Variants in ADRA1B observed in about 807,000 individuals in gnomAD.
ADRA1B encodes the protein adrenoceptor alpha 1B.
A neutral mutation model predicts 17.9 loss-of-function variants in ADRA1B; 17 were observed. That is an observed-to-expected ratio of 0.95 (90% confidence interval 0.65 to 1.42). The LOEUF (loss-of-function observed/expected upper bound fraction) is 1.42. Among genes scored for constraint, ADRA1B ranks in the 40% most tolerant of loss-of-function variants. The pLI, the probability that ADRA1B is intolerant of heterozygous loss-of-function variation, is 0.00. For missense variants in ADRA1B, 681 were observed against 722.1 expected (o/e 0.94, Z 0.65); for synonymous variants, 366 against 327.6 (o/e 1.12, Z -1.27).
intron 1 of ADRA1B, among the ~76,000 whole-genome samples, chr5:159,962,933 TTC>T (rs1329621136): frequency 0.036 from 3,974 of 109,456 alleles, 172 homozygotes; most frequent in African/African-American, 0.048. Context: ...TTCTTTTCTT[TTC>T]TTTTTTTTTT....
chr5:159,919,477 A>C (rs1228647190), intron 1 of ADRA1B, among the ~76,000 whole-genome samples: 1 of 152,272 alleles, frequency 6.6e-6, no homozygotes, highest in African/African-American at 2.4e-5. Flanking sequence ...CTTCGTCTAC[A>C]AAACAGGGCT....
intron 1 of ADRA1B, among the ~76,000 whole-genome samples, chr5:159,963,900 C>T (rs2113286236): frequency 6.6e-6 from 1 of 152,260 alleles, no homozygotes; most frequent in South Asian, 2.1e-4. Context: ...TCTAAATCGC[C>T]CTTGGGCACT....
At chr5:159,880,290 AAGAGT>A (rs1295654630) in intron 1 of ADRA1B, among the ~76,000 whole-genome samples, 2 of 152,220 alleles carry the variant, frequency 1.3e-5, no homozygotes, top group Non-Finnish European at 2.9e-5. Flanking sequence ...TATAACAGAG[AAGAGT>A]AAAGGAAACA....
chr5:159,926,198 A>G (rs1754641585), intron 1 of ADRA1B, among the ~76,000 whole-genome samples: 1 of 151,986 alleles, frequency 6.6e-6, no homozygotes, highest in African/African-American at 2.4e-5. Context: ...TCCCTCTCCC[A>G]CCAGTGTGTT....
In ADRA1B at chr5:159,916,589, C is replaced by A; in HGVS notation, c.-317C>A. ...AGCGAGCTGGGCACCGCCGGGCGCC[C>A]CCGGCCCTGCCGCCCCCTCCTCCCC... On this transcript the variant is annotated 5_prime_UTR_variant, in exon 1 of 2. Coordinates refer to ENST00000306675, the MANE Select transcript of ADRA1B (RefSeq NM_000679.4). 1 of 221,904 alleles carries A rather than the reference C, an allele frequency of 4.5e-6. No individual in the cohort carries two copies. Among genetic ancestry groups the A allele is most frequent in the Non-Finnish European group, 8.7e-6 (1 of 114,660 alleles). 13.7% of individuals were successfully genotyped at this position (221,904 alleles called of 1,614,324 possible).
chr5:159,883,016 A>C (rs376775145), intron 1 of ADRA1B, among the ~76,000 whole-genome samples: 3 of 151,930 alleles, frequency 2.0e-5, no homozygotes, highest in African/African-American at 7.3e-5. Flanking sequence ...TCACATGACC[A>C]CCTCTTTACT....
intron 1 of ADRA1B, among the ~76,000 whole-genome samples, chr5:159,884,981 C>T (rs1455629964): frequency 6.6e-6 from 1 of 152,154 alleles, no homozygotes; most frequent in Non-Finnish European, 1.5e-5. Flanking sequence ...TAGCTCAGCA[C>T]ACCTGGGAAT....
At chr5:159,936,138 A>G (rs1477007190) in intron 1 of ADRA1B, among the ~76,000 whole-genome samples, 1 of 152,178 alleles carries the variant, frequency 6.6e-6, no homozygotes, top group Non-Finnish European at 1.5e-5. Context: ...GTCAGGAGAC[A>G]TTTTTTATTG....
At chr5:159,935,221 T>C (rs1221380534) in intron 1 of ADRA1B, among the ~76,000 whole-genome samples, 1 of 152,202 alleles carries the variant, frequency 6.6e-6, no homozygotes, top group Non-Finnish European at 1.5e-5. Flanking sequence ...AAAGTTTTTT[T>C]AGAGTGCCAG....
intron 1 of ADRA1B, among the ~76,000 whole-genome samples, chr5:159,933,969 AG>A (rs1177121916): frequency 6.6e-6 from 1 of 152,238 alleles, no homozygotes; most frequent in Non-Finnish European, 1.5e-5. Context: ...TGCAGTAGAC[AG>A]CGTATATTTA....
intron 1 of ADRA1B, among the ~76,000 whole-genome samples, chr5:159,939,010 TA>T (rs752621058): frequency 4.6e-5 from 7 of 152,198 alleles, no homozygotes; most frequent in Non-Finnish European, 7.3e-5. Context: ...CAGACAATTT[TA>T]AAGATGGAAA....
chr5:159,948,297 C>A (rs1435705942), intron 1 of ADRA1B: 13 of 985,288 alleles, frequency 1.3e-5, no homozygotes, highest in Non-Finnish European at 1.3e-5. Context: ...TATGCACTGC[C>A]CTTCAAAGCA....
chr5:159,934,341 T>A (rs1280799554), intron 1 of ADRA1B, among the ~76,000 whole-genome samples: 2 of 152,160 alleles, frequency 1.3e-5, no homozygotes, highest in Non-Finnish European at 2.9e-5. Flanking sequence ...AAGCCTGGGC[T>A]CACCAAGTGA....
intron 1 of ADRA1B, chr5:159,869,514 C>T (rs1382026380): frequency 2.6e-5 from 4 of 152,222 alleles, no homozygotes; most frequent in Admixed American, 2.6e-4. Context: ...TAATGAATCC[C>T]ATTGCAAGAA....
At chr5:159,920,896 G>T (rs566576463) in intron 1 of ADRA1B, among the ~76,000 whole-genome samples, 3 of 152,206 alleles carry the variant, frequency 2.0e-5, no homozygotes, top group Non-Finnish European at 1.5e-5. Flanking sequence ...AAGCAGATGT[G>T]GGGGAGGACT....
At chr5:159,904,530 C>T (rs920490611) in intron 1 of ADRA1B, among the ~76,000 whole-genome samples, 6 of 152,206 alleles carry the variant, frequency 3.9e-5, no homozygotes, top group Non-Finnish European at 8.8e-5. Flanking sequence ...TAATGGAAGG[C>T]ACCTCCTCAA....
the ADRA1B span, among the ~76,000 whole-genome samples, chr5:159,989,172 CTTTG>C: frequency 2.4e-4 from 37 of 151,998 alleles, no homozygotes; most frequent in Middle Eastern, 3.4e-3. Flanking sequence ...TTTTTTGTTT[CTTTG>C]TTTGTTTGTT....
At chr5:159,926,916 G>A (rs1001856749) in intron 1 of ADRA1B, among the ~76,000 whole-genome samples, 1 of 152,052 alleles carries the variant, frequency 6.6e-6, no homozygotes, top group African/African-American at 2.4e-5. Flanking sequence ...AAATTAATAA[G>A]TAAACAAATA....
intron 1 of ADRA1B, among the ~76,000 whole-genome samples, chr5:159,946,859 G>C (rs1304663843): frequency 1.3e-5 from 2 of 152,202 alleles, no homozygotes; most frequent in African/African-American, 2.4e-5. Flanking sequence ...CACGACACAT[G>C]AGTTTGCAGC....
Sources: gnomAD v4.1 joint callset for allele counts (sites outside exome capture counted in the v4.1 genomes callset) on GRCh38, gnomAD v4.1.1 for gene constraint, MANE v1.5 for transcripts, NCBI Gene and HGNC (gene_info 2026-07-23, HGNC 2026-07-21) for gene names.